GOLGA7: variants seen among roughly 807,000 people sequenced by gnomAD.
The protein encoded by GOLGA7 is golgin A7.
GOLGA7 carries 10 observed loss-of-function variants against 21.1 expected under a neutral mutation model. The observed-to-expected ratio is 0.47, with a 90% CI of 0.29 to 0.80. The LOEUF (loss-of-function observed/expected upper bound fraction) is 0.80. Ranked by LOEUF, GOLGA7 falls within the 30% of genes least tolerant of loss-of-function variation. The pLI is 0.08. For missense variants in GOLGA7, 114 were observed against 166.8 expected, an observed-to-expected ratio of 0.68 and a Z score of 1.74; for synonymous variants, 64 against 62.6, an observed-to-expected ratio of 1.02 and a Z score of -0.10.
intron 2 of GOLGA7, among the ~76,000 whole-genome samples, chr8:41,499,835 C>T (rs73674850): frequency 0.014 from 2,123 of 152,264 alleles, 52 homozygotes; most frequent in African/African-American, 0.049. Flanking sequence ...GGAGGTGGAG[C>T]GCTAGCCAGG....
At chr8:41,501,833 C>T (rs939033929) in intron 2 of GOLGA7, among the ~76,000 whole-genome samples, 1 of 152,216 alleles carries the variant, frequency 6.6e-6, no homozygotes, top group African/African-American at 2.4e-5. Context: ...CACTTAGCAG[C>T]TCTCAATTAA....
intron 1 of GOLGA7, 48 bp downstream of exon 1, chr8:41,491,013 C>A: frequency 9.1e-7 from 1 of 1,096,414 alleles, no homozygotes; most frequent in South Asian, 1.3e-5. Flanking sequence ...GAGAGAGACT[C>A]ACCGGGGACG....
At chr8:41,499,988 G>A (rs1806111895) in intron 2 of GOLGA7, among the ~76,000 whole-genome samples, 1 of 152,172 alleles carries the variant, frequency 6.6e-6, no homozygotes, top group South Asian at 2.1e-4. Flanking sequence ...AAGGCTCTAT[G>A]TCAGCTTTCA....
chr8:41,507,070 C>A lies in GOLGA7; in HGVS notation c.378C>A (p.Thr126=). The change falls in exon 4 of 5, where the codon ACC becomes ACA. Residue 126 remains threonine (T), a synonymous_variant. Transcript: ENST00000357743. ...IERGLRVIEI[T]IYEDRGMSSG... ...GCCATGCTGTTTAGATTGAAATTAC[C>A]ATTTATGAAGACAGAGGCATGAGCA... The A allele has an allele frequency of 2.2e-6, 3 of 1,362,930 alleles. No individual in the cohort carries two copies. The highest frequency in any genetic ancestry group is 3.2e-6 in the Non-Finnish European group (3 of 950,888). The allele number at this position is 1,362,930 out of a possible 1,614,324, so 84.4% of individuals were successfully genotyped here.
intron 1 of GOLGA7, among the ~76,000 whole-genome samples, chr8:41,492,409 C>T (rs747692457): frequency 6.6e-6 from 1 of 151,758 alleles, no homozygotes; most frequent in African/African-American, 2.4e-5. Flanking sequence ...CGCCTGTAAT[C>T]CCAGCACTCT....
upstream of GOLGA7, chr8:41,490,406 G>A (rs1454662147): frequency 6.5e-6 from 1 of 154,658 alleles, no homozygotes; most frequent in Non-Finnish European, 1.4e-5. Context: ...GCGGAAGGCG[G>A]GGTCGGCCCT....
intron 1 of GOLGA7, among the ~76,000 whole-genome samples, chr8:41,493,672 C>G (rs1316688127): frequency 1.4e-4 from 22 of 152,106 alleles, no homozygotes; most frequent in Admixed American, 1.4e-3. Context: ...TAGTAATTAC[C>G]TTTGACCTGC....
At chr8:41,501,642 C>T (rs767514087) in intron 2 of GOLGA7, among the ~76,000 whole-genome samples, 2 of 152,146 alleles carry the variant, frequency 1.3e-5, no homozygotes, top group African/African-American at 2.4e-5. Context: ...GCGATCCTCC[C>T]GTCTCGGCCT....
chr8:41,496,654 A>AT (rs767639104), intron 1 of GOLGA7, among the ~76,000 whole-genome samples: 5,757 of 133,766 alleles, frequency 0.043, 218 homozygotes, highest in Admixed American at 0.14. Flanking sequence ...CTAAAATGCC[A>AT]TTTTTTTTTT....
chr8:41,498,343 T>C (rs1806070871), intron 2 of GOLGA7, among the ~76,000 whole-genome samples: 1 of 152,178 alleles, frequency 6.6e-6, no homozygotes, highest in South Asian at 2.1e-4. Flanking sequence ...AAGCGCAGAT[T>C]TACTTCCCCT....
chr8:41,499,496 A>T (rs1246793106), intron 2 of GOLGA7, among the ~76,000 whole-genome samples: 2 of 152,168 alleles, frequency 1.3e-5, no homozygotes, highest in Non-Finnish European at 2.9e-5. Flanking sequence ...TGGGGGAGCC[A>T]GAAGGGAGAT....
At chr8:41,502,885 A>G (rs1806182324) in intron 2 of GOLGA7, among the ~76,000 whole-genome samples, 1 of 152,206 alleles carries the variant, frequency 6.6e-6, no homozygotes, top group Non-Finnish European at 1.5e-5. Context: ...ACATTGATTT[A>G]CCAAAAATAA....
intron 4 of GOLGA7, among the ~76,000 whole-genome samples, chr8:41,508,953 GACT>G (rs1806355286): frequency 6.6e-6 from 1 of 152,170 alleles, no homozygotes. Flanking sequence ...CTTAACAAAA[GACT>G]ACACAAACAT....
At chr8:41,493,751 A>G (rs938856411) in intron 1 of GOLGA7, among the ~76,000 whole-genome samples, 6 of 152,148 alleles carry the variant, frequency 3.9e-5, no homozygotes, top group South Asian at 2.1e-4. Context: ...TAATTCTGGG[A>G]AAATAAGCCT....
intron 1 of GOLGA7, among the ~76,000 whole-genome samples, chr8:41,494,718 C>T (rs936571585): frequency 7.2e-5 from 11 of 152,160 alleles, no homozygotes. Context: ...TTGTCCAAAT[C>T]TCTAATATTC....
chr8:41,508,053 A>G (rs1162334139), intron 4 of GOLGA7, among the ~76,000 whole-genome samples: 1 of 152,214 alleles, frequency 6.6e-6, no homozygotes, highest in Non-Finnish European at 1.5e-5. Context: ...TTTATAGATG[A>G]GCAAACTTGG....
At chr8:41,498,913 C>T (rs751440728) in intron 2 of GOLGA7, among the ~76,000 whole-genome samples, 1 of 152,094 alleles carries the variant, frequency 6.6e-6, no homozygotes, top group Non-Finnish European at 1.5e-5. Context: ...GCTTAGAAAA[C>T]GAAATGCTAT....
Position 41,490,604 on chromosome 8 carries a change from G to C in GOLGA7, c.-251G>C, listed in dbSNP as rs1805853580. On this transcript the variant is annotated 5_prime_UTR_variant, in exon 1 of 5. Transcript: ENST00000357743. ...GAAGGCGGTGCGACAGCAGCTGGAG[G>C]GCAGAGGAGGCGGGTTTGTGTTTCC... The C allele has an allele frequency of 2.0e-6, 1 of 500,118 alleles. No homozygotes were observed. 31.0% of individuals were successfully genotyped at this position (500,118 alleles called of 1,614,324 possible). A position where few individuals can be genotyped will look rare whatever the true frequency, so the allele number is the denominator to read the frequency against.
intron 1 of GOLGA7, 139 bp from the exon 2 acceptor site, chr8:41,497,370 T>C: frequency 1.8e-6 from 1 of 548,098 alleles, no homozygotes; most frequent in Non-Finnish European, 3.3e-6. Flanking sequence ...TAAGCAGTTT[T>C]GGTAACTTAG....
Sources: allele counts gnomAD v4.1 joint callset (sites outside exome capture counted in the v4.1 genomes callset), GRCh38; gene constraint gnomAD v4.1.1; transcripts MANE v1.5; gene names NCBI Gene and HGNC (gene_info 2026-07-23, HGNC 2026-07-21).